Variants in HERC1 observed in about 807,000 individuals in gnomAD.
The protein encoded by HERC1 is probable E3 ubiquitin-protein ligase HERC1.
Under a neutral mutation model 554.3 loss-of-function variants are expected in HERC1, and 160 were observed. The ratio of observed to expected loss-of-function variants is 0.29; its 90% confidence interval spans 0.25 to 0.33. The LOEUF (loss-of-function observed/expected upper bound fraction) is 0.33, where lower values mean the gene tolerates loss of function less well. HERC1 is among the 10% of genes least tolerant of loss of function. The pLI is 1.00. For missense variants in HERC1, 4,919 were observed against 5,918.5 expected (o/e 0.83, Z 5.54); for synonymous variants, 2,175 against 2,131.7 (o/e 1.02, Z -0.56).
intron 58 of HERC1, 106 bp from the exon 59 acceptor site, chr15:63,643,164 T>A: frequency 1.0e-6 from 1 of 960,938 alleles, no homozygotes; most frequent in Non-Finnish European, 1.6e-6. Flanking sequence ...GTCTACATTT[T>A]AGCTAAATTC....
At position 63,666,077 on chromosome 15, in the gene HERC1, C is replaced by A; in HGVS notation, c.8397G>T (p.Glu2799Asp). Residue 2799 changes from glutamate (E) to aspartate (D), a missense_variant, in exon 42 of 78, where the codon GAG becomes GAT. Around this residue, in one of 11 missense-constraint regions of HERC1, gnomAD observed 1,963 missense variants for 2,228.6 expected, o/e 0.88. Transcript: ENST00000443617. The stretch of plus-strand genomic sequence containing the variant: ...TGCCCGACTGGGGCTCCTCTTCATC[C>A]TCATGCCCAGGGTGCTCTATCATCC... ...AMWMIEHPGH[E>D]DEEEPQSGST... The A allele has an allele frequency of 6.2e-7, 1 of 1,614,030 alleles. No homozygotes were observed. Among genetic ancestry groups the A allele is most frequent in the Non-Finnish European group, 8.5e-7 (1 of 1,179,882 alleles).
intron 26 of HERC1, among the ~76,000 whole-genome samples, chr15:63,697,450 A>ATTTTTTT (rs35244420): frequency 1.8e-5 from 2 of 108,498 alleles, no homozygotes; most frequent in African/African-American, 3.6e-5. Flanking sequence ...GTTAATCTTG[A>ATTTTTTT]TTTTTTTTTT....
intron 1 of HERC1, among the ~76,000 whole-genome samples, chr15:63,808,388 A>G (rs1333778896): frequency 6.6e-6 from 1 of 152,166 alleles, no homozygotes; most frequent in African/African-American, 2.4e-5. Flanking sequence ...CCTGGGTCCA[A>G]GTGATCCTCC....
At chr15:63,817,232 A>G (rs1014301809) in intron 1 of HERC1, among the ~76,000 whole-genome samples, 4 of 152,228 alleles carry the variant, frequency 2.6e-5, no homozygotes, top group African/African-American at 7.2e-5. Context: ...CTATAGATCT[A>G]TATCTATCTA....
chr15:63,783,884 G>A (rs761444799), intron 1 of HERC1, among the ~76,000 whole-genome samples: 1 of 152,026 alleles, frequency 6.6e-6, no homozygotes, highest in African/African-American at 2.4e-5. Flanking sequence ...TGGCCAACAT[G>A]GTGAAACCCC....
At chr15:63,642,728 C>A (rs561506437) in intron 59 of HERC1, among the ~76,000 whole-genome samples, 3 of 152,258 alleles carry the variant, frequency 2.0e-5, no homozygotes, top group Non-Finnish European at 4.4e-5. Flanking sequence ...TGTTCAATAT[C>A]TAAGCACTGT....
chr15:63,624,048 A>T, intron 72 of HERC1, 110 bp downstream of exon 72: 1 of 1,260,852 alleles, frequency 7.9e-7, no homozygotes, highest in Non-Finnish European at 1.1e-6. Flanking sequence ...AAGTACTATT[A>T]CTATCTACCC....
In HERC1 at chr15:63,749,260, G is replaced by A; in HGVS notation, c.2219+107C>T. On this transcript the variant is annotated intron_variant, in intron 10 of 77. Coordinates refer to ENST00000443617, the MANE Select transcript of HERC1 (RefSeq NM_003922.4). This position sits in a 1 kb window ranked among gnomAD's most constrained non-coding sequence, Gnocchi z 4.1. The stretch of plus-strand genomic sequence containing the variant: ...AGCAATACTATATATGTTCAGAAGA[G>A]TATTTTATGAACAAAGCACAATTAT... 1.2e-6 allele frequency: 1 copy of A among 843,604 alleles called. No individual in the cohort carries two copies. The highest frequency in any genetic ancestry group is 1.9e-6 in the Non-Finnish European group (1 of 538,320). 52.3% of individuals were successfully genotyped at this position (843,604 alleles called of 1,614,324 possible).
chr15:63,719,412 G>T (rs1596060830), intron 19 of HERC1, among the ~76,000 whole-genome samples: 1 of 152,330 alleles, frequency 6.6e-6, no homozygotes, highest in East Asian at 1.9e-4. Flanking sequence ...GCACAGAATG[G>T]GTAGAAGACA....
intron 4 of HERC1, among the ~76,000 whole-genome samples, chr15:63,757,879 T>C (rs1402306413): frequency 6.6e-6 from 1 of 151,906 alleles, no homozygotes; most frequent in Non-Finnish European, 1.5e-5. Flanking sequence ...CTGGCTAATT[T>C]TTGTATTTTT....
chr15:63,639,294 T>C (rs1373753924), intron 61 of HERC1, among the ~76,000 whole-genome samples: 1 of 152,258 alleles, frequency 6.6e-6, no homozygotes, highest in Non-Finnish European at 1.5e-5. Flanking sequence ...ATATCTTCTA[T>C]GTTTACATAC....
At chr15:63,659,660 T>C (rs2070249758) in intron 47 of HERC1, 76 bp downstream of exon 47, 1 of 963,988 alleles carries the variant, frequency 1.0e-6, no homozygotes, top group Admixed American at 2.1e-5. Flanking sequence ...TTTACTTTAT[T>C]ATTATTATTT....
In HERC1 at chr15:63,658,850, A is replaced by T. The variant is rs2070193406; in HGVS notation, c.9425-132T>A. On this transcript the variant is annotated intron_variant, in intron 47 of 77. Transcript: ENST00000443617. ...TTTTGCTCATCTGGAACTTGGTTAT[A>T]CAGAAAATTTCTTAGGAGAAACTCA... The T allele has an allele frequency of 1.0e-5, 6 of 600,406 alleles. No individual in the cohort carries two copies. The Admixed American group carries it at 1.1e-4, about 11-fold the overall frequency. 37.2% of individuals were successfully genotyped at this position (600,406 alleles called of 1,614,324 possible).
At chr15:63,642,494 C>G (rs1000031713) in intron 59 of HERC1, among the ~76,000 whole-genome samples, 12 of 152,092 alleles carry the variant, frequency 7.9e-5, no homozygotes, top group African/African-American at 2.9e-4. Flanking sequence ...TGTGCCACCA[C>G]GCCTGGCTAA....
intron 53 of HERC1, 26 bp from the exon 54 acceptor site, chr15:63,649,951 T>A: frequency 6.6e-7 from 1 of 1,505,820 alleles, no homozygotes; most frequent in Non-Finnish European, 9.1e-7. Context: ...TGTTAACTAG[T>A]TTTTACTTAA....
At chr15:63,787,307 C>T (rs2076489473) in intron 1 of HERC1, among the ~76,000 whole-genome samples, 1 of 151,216 alleles carries the variant, frequency 6.6e-6, no homozygotes, top group African/African-American at 2.4e-5. Context: ...CAGGCATGCA[C>T]CACCACACCC....
At chr15:63,620,441 G>C (rs1277687440) in intron 74 of HERC1, among the ~76,000 whole-genome samples, 1 of 151,926 alleles carries the variant, frequency 6.6e-6, no homozygotes, top group Non-Finnish European at 1.5e-5. Flanking sequence ...GAATAGGTGT[G>C]GTGTGGTGCT....
Position 63,643,016 on chromosome 15 carries a change from T to C in HERC1, c.11374A>G (p.Ile3792Val). The C allele has an allele frequency of 6.2e-7, 1 of 1,613,268 alleles. No individual in the cohort carries two copies. Residue 3792 changes from isoleucine (I) to valine (V), a missense_variant, in exon 59 of 78, where the codon ATT (isoleucine) becomes GTT (valine). Ile to Val is a conservative substitution (Grantham distance 29, BLOSUM62 3). Around this residue, in one of 11 missense-constraint regions of HERC1, gnomAD observed 1,963 missense variants for 2,228.6 expected, o/e 0.88. Coordinates refer to ENST00000443617, the MANE Select transcript of HERC1 (RefSeq NM_003922.4). The part of the protein sequence containing the change: ...LQTVVIGSGA[I>V]QTTVWIPEVG... ...TCTGGAATCCATACTGTGGTCTGAA[T>C]AGCTCCAGAGCCTATCACAACAGTT... is the stretch of plus-strand genomic sequence containing the variant.
chr15:63,747,701 T>C, intron 11 of HERC1, 23 bp downstream of exon 11: 1 of 1,453,462 alleles, frequency 6.9e-7, no homozygotes, highest in Non-Finnish European at 9.4e-7. Context: ...CACACAAAGA[T>C]ACAAAACATA....
Sources: allele counts gnomAD v4.1 joint callset (sites outside exome capture counted in the v4.1 genomes callset), GRCh38; gene constraint gnomAD v4.1.1; regional missense constraint gnomAD v4.1.1; non-coding constraint Gnocchi (gnomAD v3.1); transcripts MANE v1.5; gene names NCBI Gene and HGNC (gene_info 2026-07-23, HGNC 2026-07-21).